Variants in STARD4 observed in about 807,000 individuals in gnomAD.
STARD4 encodes the protein StAR related lipid transfer domain containing 4, also known as stAR-related lipid transfer protein 4.
A neutral mutation model predicts 24.9 loss-of-function variants in STARD4; 33 were observed. The ratio of observed to expected loss-of-function variants is 1.32; its 90% CI spans 1.00 to 1.77. The LOEUF (loss-of-function observed/expected upper bound fraction) is 1.77, where lower values mean the gene tolerates loss of function less well. Among genes scored for constraint, STARD4 ranks in the 40% most tolerant of loss-of-function variants. STARD4 has a pLI of 0.00. For synonymous variants in STARD4, 88 were observed against 77.4 expected (o/e 1.14, Z -0.72); for missense variants, 238 against 249.3 (o/e 0.95, Z 0.31).
In STARD4 at chr5:111,496,210, C is replaced by G. The variant is rs1030784501; in HGVS notation, c.*3676G>C. The stretch of plus-strand genomic sequence containing the variant: ...AATCTATACTATAGCTTTTATTGAA[C>G]TGCAAGAGATGAATTTTAATATTTA... On this transcript the variant is annotated 3_prime_UTR_variant, in exon 6 of 6. Transcript: ENST00000296632. The G allele has an allele frequency of 6.6e-6, 1 of 151,932 alleles. No homozygotes were observed. The highest frequency in any genetic ancestry group is 2.4e-5 in the African/African-American group (1 of 41,390). The allele number at this position is 151,932 out of a possible 1,614,324, so 9.4% of individuals were successfully genotyped here.
intron 5 of STARD4, 75 bp from the exon 6 acceptor site, chr5:111,500,181 GA>G: frequency 7.1e-7 from 1 of 1,414,876 alleles, no homozygotes; most frequent in Non-Finnish European, 9.3e-7. Flanking sequence ...AATATTACCA[GA>G]ATTCTTATTT....
intron 3 of STARD4, 87 bp from the exon 4 acceptor site, chr5:111,502,175 G>A: frequency 2.0e-6 from 3 of 1,478,792 alleles, no homozygotes; most frequent in Admixed American, 4.4e-5. Context: ...TTGAAAGTAA[G>A]GAAAAAAATT....
At chr5:111,501,855 C>A (rs895277481) in intron 4 of STARD4, 107 bp downstream of exon 4, 1 of 1,436,936 alleles carries the variant, frequency 7.0e-7, no homozygotes, top group Non-Finnish European at 9.4e-7. Context: ...ATTCTCAAAG[C>A]AATGAATATA....
intron 3 of STARD4, among the ~76,000 whole-genome samples, chr5:111,505,856 C>G (rs145498950): frequency 6.6e-6 from 1 of 152,016 alleles, no homozygotes; most frequent in Non-Finnish European, 1.5e-5. Flanking sequence ...ACAAAGGACA[C>G]GGACATTTTT....
intron 3 of STARD4, among the ~76,000 whole-genome samples, chr5:111,505,409 C>T (rs1216578320): frequency 6.6e-6 from 1 of 152,258 alleles, no homozygotes; most frequent in Admixed American, 6.5e-5. Flanking sequence ...TAACAGGGTC[C>T]AGCAGTTTTA....
rs138037977 is a variant in STARD4, at chr5:111,506,689, C to T, written c.106-310G>A. Among the ~76,000 whole-genome samples the T allele has an allele frequency of 3.2e-3, 483 of 152,308 alleles. 2 individuals are homozygous for T. Among genetic ancestry groups the T allele is most frequent in the African/African-American group, 0.011 (454 of 41,564 alleles). The stretch of plus-strand genomic sequence containing the variant: ...GTCCAATCTTATCTATTTACCATTA[C>T]TGATGCATTCAGACTCTAACACTAG... On this transcript the variant is annotated intron_variant, in intron 2 of 5. Coordinates refer to ENST00000296632, the MANE Select transcript of STARD4 (RefSeq NM_139164.3).
At chr5:111,504,143 G>A (rs1756669276) in intron 3 of STARD4, among the ~76,000 whole-genome samples, 2 of 152,178 alleles carry the variant, frequency 1.3e-5, no homozygotes, top group South Asian at 4.1e-4. Flanking sequence ...GTAATGTCTA[G>A]TAAGGTTGGA....
chr5:111,508,219 A>C (rs1291634222), intron 1 of STARD4, among the ~76,000 whole-genome samples: 1 of 152,098 alleles, frequency 6.6e-6, no homozygotes, highest in Non-Finnish European at 1.5e-5. Context: ...ATTATCTGAC[A>C]ATATAATAAC....
chr5:111,502,693 T>C (rs1455598029), intron 3 of STARD4, among the ~76,000 whole-genome samples: 8 of 151,810 alleles, frequency 5.3e-5, no homozygotes, highest in African/African-American at 1.9e-4. Context: ...CTTGGGAGGC[T>C]GAGGCAGGAG....
chr5:111,500,736 C>G (rs1756376312), intron 5 of STARD4: 4 of 1,407,004 alleles, frequency 2.8e-6, no homozygotes, highest in Non-Finnish European at 3.7e-6. Context: ...TTACTAGAAC[C>G]CTTTCTTAGA....
intron 2 of STARD4, among the ~76,000 whole-genome samples, chr5:111,506,746 C>A (rs1224537905): frequency 6.6e-6 from 1 of 152,190 alleles, no homozygotes; most frequent in Non-Finnish European, 1.5e-5. Flanking sequence ...TTGTTCATAA[C>A]TTTTAAAAAA....
rs1756263863 is a variant in STARD4, at chr5:111,499,256, A to T, written c.*630T>A. ...AGGCACCCACAGAATTAGGGGACCC[A>T]CAATACTCAATTCTAATCATTATAA... is the stretch of plus-strand genomic sequence containing the variant. On this transcript the variant is annotated 3_prime_UTR_variant, in exon 6 of 6. Transcript: ENST00000296632. 1 of 152,250 alleles carries T rather than the reference A, an allele frequency of 6.6e-6. No individual in the cohort carries two copies. The highest frequency in any genetic ancestry group is 2.4e-5 in the African/African-American group (1 of 41,470). The allele number at this position is 152,250 out of a possible 1,614,324, so 9.4% of individuals were successfully genotyped here.
chr5:111,505,223 C>T (rs947489753), intron 3 of STARD4, among the ~76,000 whole-genome samples: 1 of 152,208 alleles, frequency 6.6e-6, no homozygotes, highest in African/African-American at 2.4e-5. Context: ...GCTCCCTTGA[C>T]ACTCGTGATA....
chr5:111,508,627 G>A (rs188136478), intron 1 of STARD4, among the ~76,000 whole-genome samples: 1 of 152,254 alleles, frequency 6.6e-6, no homozygotes, highest in East Asian at 1.9e-4. Context: ...TAAGGCTGCA[G>A]TTGTCAACTA....
chr5:111,510,552 T>C (rs1302357911), intron 1 of STARD4, among the ~76,000 whole-genome samples: 2 of 152,220 alleles, frequency 1.3e-5, no homozygotes, highest in African/African-American at 4.8e-5. Context: ...TATCAGAATA[T>C]AATAGGTTCA....
chr5:111,500,321 C>A lies in STARD4; in HGVS notation c.398-215G>T, dbSNP rs1580843829. 9 of 1,287,646 alleles carry A rather than the reference C, an allele frequency of 7.0e-6. No individual in the cohort carries two copies. In the East Asian group the frequency reaches 2.8e-4, roughly 40 times the overall value. 79.8% of individuals were successfully genotyped at this position (1,287,646 alleles called of 1,614,324 possible). A position where few individuals can be genotyped will look rare whatever the true frequency, so the allele number is the denominator to read the frequency against. On this transcript the variant is annotated intron_variant, in intron 5 of 5. Transcript: ENST00000296632. ...ATAGGTAATGGGGAAACTTTTAATC[C>A]TTTCAGAATACATGACATCATATCA...
chr5:111,511,388 GCATTT>G (rs1242726754), intron 1 of STARD4, among the ~76,000 whole-genome samples: 1 of 151,996 alleles, frequency 6.6e-6, no homozygotes, highest in East Asian at 1.9e-4. Context: ...GCTTTACATT[GCATTT>G]ATTTTATTTA....
intron 5 of STARD4, chr5:111,500,322 T>C: frequency 7.8e-7 from 1 of 1,287,494 alleles, no homozygotes; most frequent in Non-Finnish European, 9.8e-7. Context: ...CTTTTAATCC[T>C]TTCAGAATAC....
Position 111,507,361 on chromosome 5 carries a change from C to T in STARD4, c.73G>A (p.Glu25Lys). ...KNTLIQYHSI[E>K]EDKWRVAKKT... ...TTAGCAACTCGCCACTTATCTTCTT[C>T]AATGCTATGGTACTGGATGAGAGTG... Residue 25 changes from glutamate (E) to lysine (K), a missense_variant, in exon 2 of 6, where the codon GAA becomes AAA. Transcript: ENST00000296632. This position sits in a 1 kb window ranked among gnomAD's most constrained non-coding sequence, Gnocchi z 4.4. 6.2e-7 allele frequency: 1 copy of T among 1,613,282 alleles called. No homozygotes were observed. The highest frequency in any genetic ancestry group is 8.5e-7 in the Non-Finnish European group (1 of 1,179,678).
Sources: allele counts gnomAD v4.1 joint callset (sites outside exome capture counted in the v4.1 genomes callset), GRCh38; gene constraint gnomAD v4.1.1; non-coding constraint Gnocchi (gnomAD v3.1); transcripts MANE v1.5; gene names NCBI Gene and HGNC (gene_info 2026-07-23, HGNC 2026-07-21).